Variants in GNAL observed in about 807,000 individuals in gnomAD.
The protein encoded by GNAL is G protein subunit alpha L.
Under a neutral mutation model 55.1 loss-of-function variants are expected in GNAL, and 18 were observed. The ratio of observed to expected loss-of-function variants is 0.33; its 90% CI spans 0.23 to 0.48. The LOEUF (loss-of-function observed/expected upper bound fraction) is 0.48, where lower values mean the gene tolerates loss of function less well. GNAL is among the 20% of genes least tolerant of loss of function. GNAL has a pLI of 0.99. For missense variants in GNAL, 412 were observed against 614.1 expected, an observed-to-expected ratio of 0.67 and a Z score of 3.48; for synonymous variants, 253 against 237.0, an observed-to-expected ratio of 1.07 and a Z score of -0.62.
chr18:11,758,648 T>G (rs1011716181), intron 4 of GNAL, among the ~76,000 whole-genome samples: 1 of 152,188 alleles, frequency 6.6e-6, no homozygotes. Flanking sequence ...GTACTGGGAT[T>G]AGCTACAAAT....
chr18:11,876,792 C>T lies in GNAL; in HGVS notation c.1230+104C>T, dbSNP rs72870432. On this transcript the variant is annotated intron_variant, in intron 11 of 11. Transcript: ENST00000334049. ...GATGATCTCATTTAATCTTCCTTAA[C>T]ATTACGAGCGATGACAAAGGGTATG... 0.013 allele frequency: 9,923 copies of T among 762,620 alleles called. 100 individuals are homozygous for T. Among genetic ancestry groups the T allele is most frequent in the Non-Finnish European group, 0.018 (7,472 of 416,548 alleles). 47.2% of individuals were successfully genotyped at this position (762,620 alleles called of 1,614,324 possible). A position where few individuals can be genotyped will look rare whatever the true frequency, so the allele number is the denominator to read the frequency against.
chr18:11,735,583 T>A (rs1375185164), intron 1 of GNAL, among the ~76,000 whole-genome samples: 1 of 151,816 alleles, frequency 6.6e-6, no homozygotes, highest in Non-Finnish European at 1.5e-5. Context: ...AAACCTTGCC[T>A]CTACTAAAAC....
At chr18:11,759,125 A>G (rs1321334436) in intron 4 of GNAL, among the ~76,000 whole-genome samples, 1 of 152,070 alleles carries the variant, frequency 6.6e-6, no homozygotes, top group African/African-American at 2.4e-5. Flanking sequence ...GTGAGCCAAG[A>G]TCGTGATATT....
intron 5 of GNAL, among the ~76,000 whole-genome samples, chr18:11,829,210 C>G (rs2035320543): frequency 6.6e-6 from 1 of 152,196 alleles, no homozygotes; most frequent in African/African-American, 2.4e-5. Flanking sequence ...CTTTCTGAAC[C>G]CTGGGCCTGA....
In GNAL at chr18:11,689,574, GCTACAGT is replaced by G; in HGVS notation, c.14_20del (p.Tyr5CysfsTer75). The G allele has an allele frequency of 7.5e-7, 1 of 1,326,674 alleles. No homozygotes were observed. Among genetic ancestry groups the G allele is most frequent in the Non-Finnish European group, 9.5e-7 (1 of 1,047,128 alleles). 82.2% of individuals were successfully genotyped at this position (1,326,674 alleles called of 1,614,324 possible). On this transcript the variant is annotated frameshift_variant, in exon 1 of 12. Transcript: ENST00000334049. LOFTEE classifies it high-confidence loss of function. ...CTGTGCCGCGCCCACATGGGTCTGT[GCTACAGT>G]CTGCGGCCGCTGCTTTTCGGGGGCC...
intron 1 of GNAL, among the ~76,000 whole-genome samples, chr18:11,719,286 A>C (rs1396811552): frequency 6.6e-6 from 1 of 152,068 alleles, no homozygotes; most frequent in Non-Finnish European, 1.5e-5. Flanking sequence ...GAGGTGTTTG[A>C]TGTGGATTTT....
intron 5 of GNAL, among the ~76,000 whole-genome samples, chr18:11,856,451 A>G (rs1320487972): frequency 6.6e-6 from 1 of 151,232 alleles, no homozygotes; most frequent in East Asian, 1.9e-4. Flanking sequence ...ATGACAGCAG[A>G]CAGGCAGGTA....
chr18:11,777,995 ACAGAAT>A (rs1447110911), intron 4 of GNAL, among the ~76,000 whole-genome samples: 2 of 152,186 alleles, frequency 1.3e-5, no homozygotes, highest in Admixed American at 1.3e-4. Flanking sequence ...GCCTCTGGGT[ACAGAAT>A]CAGCACCTCC....
At chr18:11,738,547 A>G (rs2032505355) in intron 1 of GNAL, among the ~76,000 whole-genome samples, 1 of 152,092 alleles carries the variant, frequency 6.6e-6, no homozygotes, top group Admixed American at 6.5e-5. Flanking sequence ...TCCCGGATTC[A>G]AGCAATTCTC....
At chr18:11,823,104 A>C (rs986049616) in intron 4 of GNAL, among the ~76,000 whole-genome samples, 5 of 152,110 alleles carry the variant, frequency 3.3e-5, no homozygotes, top group Non-Finnish European at 5.9e-5. Flanking sequence ...CACTCTCTTC[A>C]TGGCCAACTT....
chr18:11,824,488 G>A (rs1391932612), intron 4 of GNAL, among the ~76,000 whole-genome samples: 1 of 151,996 alleles, frequency 6.6e-6, no homozygotes, highest in Admixed American at 6.6e-5. Flanking sequence ...AGGAGTTCGA[G>A]ACCAGCCTGG....
At chr18:11,810,186 T>G (rs2034774060) in intron 4 of GNAL, among the ~76,000 whole-genome samples, 1 of 151,874 alleles carries the variant, frequency 6.6e-6, no homozygotes, top group African/African-American at 2.4e-5. Context: ...AGCTCAGGAG[T>G]TGTCAGAACC....
intron 4 of GNAL, among the ~76,000 whole-genome samples, chr18:11,786,474 A>T (rs2034063887): frequency 1.1e-5 from 1 of 88,134 alleles, no homozygotes; most frequent in Non-Finnish European, 2.0e-5. Flanking sequence ...TTTGAGATGG[A>T]GTCTTGCTCT....
chr18:11,696,274 G>A (rs570111921), intron 1 of GNAL, among the ~76,000 whole-genome samples: 9 of 152,002 alleles, frequency 5.9e-5, no homozygotes, highest in East Asian at 1.9e-4. Context: ...AGGCCGAGGC[G>A]GGTGGATCAT....
intron 5 of GNAL, among the ~76,000 whole-genome samples, chr18:11,848,318 G>A (rs1443042898): frequency 2.0e-5 from 3 of 152,056 alleles, no homozygotes; most frequent in Non-Finnish European, 4.4e-5. Flanking sequence ...AGTCAGCCCT[G>A]GTCTCTCTGG....
chr18:11,701,552 C>G (rs1360371853), intron 1 of GNAL, among the ~76,000 whole-genome samples: 1 of 93,310 alleles, frequency 1.1e-5, no homozygotes, highest in Non-Finnish European at 2.1e-5. Flanking sequence ...GGTGACAGAG[C>G]AAGAATCTCA....
intron 10 of GNAL, among the ~76,000 whole-genome samples, chr18:11,872,645 T>G (rs1304755103): frequency 1.3e-5 from 2 of 152,218 alleles, no homozygotes; most frequent in Non-Finnish European, 2.9e-5. Flanking sequence ...AGAGCCATTT[T>G]GGGATGTGAC....
intron 4 of GNAL, among the ~76,000 whole-genome samples, chr18:11,768,617 A>G (rs909226868): frequency 5.4e-5 from 8 of 149,280 alleles, no homozygotes; most frequent in African/African-American, 7.4e-5. Context: ...AAAAAAGGCC[A>G]GGCGCAGTGG....
intron 1 of GNAL, among the ~76,000 whole-genome samples, chr18:11,710,868 C>CTGTTTTGTTTTGTTTTGTTT (rs542715685): frequency 7.0e-4 from 106 of 151,992 alleles, no homozygotes; most frequent in African/African-American, 2.5e-3. Context: ...TCAGTATGAA[C>CTGTTTTGTTTTGTTTTGTTT]TGTTTTGTTT....
Sources: allele counts gnomAD v4.1 joint callset (sites outside exome capture counted in the v4.1 genomes callset), GRCh38; gene constraint gnomAD v4.1.1; transcripts MANE v1.5; gene names NCBI Gene and HGNC (gene_info 2026-07-23, HGNC 2026-07-21).